The following OTOF variants were observed in gnomAD, a reference collection of about 807,000 sequenced individuals.
The protein encoded by OTOF is otoferlin, also known as fer-1-like family member 2.
Under a neutral mutation model 236.8 loss-of-function variants are expected in OTOF, and 218 were observed. That is an observed-to-expected ratio of 0.92 (90% CI 0.82 to 1.03). The LOEUF (loss-of-function observed/expected upper bound fraction) is 1.03, where lower values mean the gene tolerates loss of function less well. OTOF is among the 50% of genes least tolerant of loss of function. OTOF has a pLI of 0.00. For synonymous variants in OTOF, 1,041 were observed against 1,072.5 expected, an observed-to-expected ratio of 0.97 and a Z score of 0.57; for missense variants, 2,590 against 2,694.4, an observed-to-expected ratio of 0.96 and a Z score of 0.86.
rs200864338 is a variant in OTOF, at chr2:26,479,639, C to T, written c.1927G>A (p.Glu643Lys). Reference protein sequence around the residue: ...FEVTIGNYGNEVDGLSRPQRP... With the variant: ...FEVTIGNYGNKVDGLSRPQRP... ...TGGGGCCGGGACAGGCCATCAACTT[C>T]GTTCCCATAGTTGCCTGGAGCAGAA... is the stretch of plus-strand genomic sequence containing the variant. The change falls in exon 17 of 47, where the codon GAA (glutamate) becomes AAA (lysine). Residue 643 changes from glutamate to lysine, a missense_variant. Physicochemically the swap from Glu to Lys is moderately conservative, Grantham distance 56 (BLOSUM62 1). Transcript: ENST00000272371. 2.7e-5 allele frequency: 44 copies of T among 1,612,564 alleles called. No homozygotes were observed. The highest frequency in any genetic ancestry group is 4.5e-5 in the East Asian group (2 of 44,866).
At chr2:26,503,935 C>T (rs1666184324) in intron 5 of OTOF, 90 bp from the exon 6 acceptor site, 4 of 1,172,056 alleles carry the variant, frequency 3.4e-6, no homozygotes, top group Non-Finnish European at 5.1e-6. Flanking sequence ...TGAGAGAACA[C>T]ATCAGAGAAG....
intron 8 of OTOF, among the ~76,000 whole-genome samples, chr2:26,497,091 T>C (rs1666005174): frequency 6.3e-5 from 1 of 15,886 alleles, no homozygotes; most frequent in Non-Finnish European, 1.0e-4. Flanking sequence ...ACATTCTTCT[T>C]TTTTTTTTTT....
At chr2:26,469,986 T>C (rs998186958) in intron 32 of OTOF, among the ~76,000 whole-genome samples, 2 of 152,214 alleles carry the variant, frequency 1.3e-5, no homozygotes, top group African/African-American at 4.8e-5. Context: ...ATGCGCTTTC[T>C]GGAACTTGCA....
intron 11 of OTOF, among the ~76,000 whole-genome samples, chr2:26,486,983 T>A (rs1558493884): frequency 2.6e-5 from 4 of 152,074 alleles, no homozygotes; most frequent in Admixed American, 2.0e-4. Flanking sequence ...TGAGGATGAG[T>A]GTATGCCCCT....
chr2:26,557,277 G>A (rs774176877), intron 1 of OTOF, among the ~76,000 whole-genome samples: 4 of 152,090 alleles, frequency 2.6e-5, no homozygotes, highest in Non-Finnish European at 4.4e-5. Context: ...CTTTAGTATA[G>A]GGGGGTCCTC....
At position 26,471,270 on chromosome 2, in the gene OTOF, C is replaced by T. The variant is rs957671069; in HGVS notation, c.3865-120G>A. 7 of 1,183,314 alleles carry T rather than the reference C, an allele frequency of 5.9e-6. No individual in the cohort carries two copies. In the African/African-American group the frequency reaches 6.0e-5, roughly 10 times the overall value. 73.3% of individuals were successfully genotyped at this position (1,183,314 alleles called of 1,614,324 possible). On this transcript the variant is annotated intron_variant, in intron 30 of 46. Coordinates refer to ENST00000272371, the MANE Select transcript of OTOF (RefSeq NM_194248.3). The stretch of plus-strand genomic sequence containing the variant: ...TGGAAATTACTGTGTGCTGGCAGCC[C>T]CTGTGCCCGCAAGGCCAACTTTGCA...
intron 11 of OTOF, among the ~76,000 whole-genome samples, chr2:26,485,517 G>A (rs1021504124): frequency 3.3e-5 from 5 of 152,338 alleles, no homozygotes; most frequent in Admixed American, 6.5e-5. Context: ...AGGAAAGGAC[G>A]GATGTCAGGG....
chr2:26,485,303 C>T (rs866734214), intron 11 of OTOF, among the ~76,000 whole-genome samples: 30 of 152,246 alleles, frequency 2.0e-4, no homozygotes, highest in Non-Finnish European at 5.9e-5. Flanking sequence ...GCTCAAGTCT[C>T]TCCTCCTCCA....
Position 26,526,851 on chromosome 2 carries a change from A to T in OTOF, c.227+981T>A, listed in dbSNP as rs1666818180. Reference sequence around the variant, plus strand: ...TTAAGCCATGACCTCCAGCTTGTATAAGAGCAACCGATTTTTTTTTAAAGA... The same window carrying T: ...TTAAGCCATGACCTCCAGCTTGTATTAGAGCAACCGATTTTTTTTTAAAGA... On this transcript the variant is annotated intron_variant, in intron 3 of 46. Coordinates refer to ENST00000272371, the MANE Select transcript of OTOF (RefSeq NM_194248.3). Among the ~76,000 whole-genome samples, 4 of 152,194 alleles carry T rather than the reference A, an allele frequency of 2.6e-5. No individual in the cohort carries two copies. In the South Asian group the frequency reaches 8.3e-4, roughly 32 times the overall value.
At chr2:26,517,480 C>T (rs1422032051) in intron 4 of OTOF, among the ~76,000 whole-genome samples, 1 of 152,218 alleles carries the variant, frequency 6.6e-6, no homozygotes, top group Non-Finnish European at 1.5e-5. Flanking sequence ...TTCAACATTG[C>T]AACCTACCTT....
At chr2:26,552,091 T>TAAAAAA (rs70950198) in intron 1 of OTOF, among the ~76,000 whole-genome samples, 5 of 141,184 alleles carry the variant, frequency 3.5e-5, no homozygotes, top group African/African-American at 1.3e-4. Context: ...TATAAAAAGT[T>TAAAAAA]AAAAAAAAAA....
intron 36 of OTOF, 45 bp from the exon 37 acceptor site, chr2:26,466,121 C>CTCA (rs765780313): frequency 1.2e-6 from 2 of 1,613,096 alleles, no homozygotes. Context: ...CCATGCCCTG[C>CTCA]TCATCTTCAG....
chr2:26,502,417 G>T lies in OTOF; in HGVS notation c.593C>A (p.Ala198Glu). 1 of 1,613,154 alleles carries T rather than the reference G, an allele frequency of 6.2e-7. No individual in the cohort carries two copies. The highest frequency in any genetic ancestry group is 2.2e-5 in the East Asian group (1 of 44,880). Residue 198 changes from alanine to glutamate, a missense_variant, in exon 7 of 47, where the codon GCG (alanine) becomes GAG (glutamate). Ala to Glu is a moderately radical substitution (Grantham distance 107, BLOSUM62 -1). Transcript: ENST00000272371. ...KEEPQRPDEP[A>E]VLEMEDLDHL... Reference sequence around the variant, plus strand: ...GTCAAGGTCTTCCATCTCCAGCACCGCCGGTTCATCTGGGGAAGATGAAAG... The same window carrying T: ...GTCAAGGTCTTCCATCTCCAGCACCTCCGGTTCATCTGGGGAAGATGAAAG...
chr2:26,482,679 G>GTGAGTGGGCGCATGTGTGCC, intron 13 of OTOF, 87 bp from the exon 14 acceptor site: 1 of 1,120,350 alleles, frequency 8.9e-7, no homozygotes. Flanking sequence ...GCATGTGTGC[G>GTGAGTGGGCGCATGTGTGCC]TGAGTGGGCA....
intron 5 of OTOF, among the ~76,000 whole-genome samples, chr2:26,504,274 C>T (rs1250826392): frequency 1.3e-5 from 2 of 152,096 alleles, no homozygotes; most frequent in Non-Finnish European, 2.9e-5. Flanking sequence ...AGAGAAAGCC[C>T]GAGGACTGGA....
intron 2 of OTOF, 27 bp downstream of exon 2, chr2:26,537,689 G>A: frequency 6.5e-7 from 1 of 1,532,514 alleles, no homozygotes; most frequent in Non-Finnish European, 8.9e-7. Context: ...TCAGGGCTGA[G>A]GGAGGGGGGA....
rs369672118 is a variant in OTOF, at chr2:26,465,943, C to T, written c.4628+6G>A. The T allele has an allele frequency of 2.5e-6, 4 of 1,614,238 alleles. No individual in the cohort carries two copies. In the African/African-American group the frequency reaches 5.3e-5, roughly 22 times the overall value. On this transcript the variant is annotated splice_donor_region_variant and intron_variant, in intron 37 of 46. Transcript: ENST00000272371. ...TGTGGCAGGGGAGGGCACCAAGAAG[C>T]CTTACTTCCCAAAGACAGGGTTGAG... is the stretch of plus-strand genomic sequence containing the variant.
chr2:26,537,909 A>G, intron 1 of OTOF, 135 bp from the exon 2 acceptor site: 1 of 725,312 alleles, frequency 1.4e-6, no homozygotes. Flanking sequence ...TGGCTTGCTC[A>G]CCTCTCCCAG....
rs558848720 is a variant in OTOF at position 26,486,061 on chromosome 2, T to C, written c.1046-1428A>G. ...GCAGAGGGATGGGTGGTGAGCTGCCTGGCCGGCTGAGAGATAGACGGACAG... is the reference window on the plus strand; with the variant it reads ...GCAGAGGGATGGGTGGTGAGCTGCCCGGCCGGCTGAGAGATAGACGGACAG... On this transcript the variant is annotated intron_variant, in intron 11 of 46. Coordinates refer to ENST00000272371, the MANE Select transcript of OTOF (RefSeq NM_194248.3). 4.7e-4 allele frequency among the ~76,000 whole-genome samples: 71 copies of C among 152,070 alleles called. No homozygotes were observed. In the Middle Eastern group the frequency reaches 0.01, roughly 22 times the overall value.
Sources: allele counts gnomAD v4.1 joint callset (sites outside exome capture counted in the v4.1 genomes callset), GRCh38; gene constraint gnomAD v4.1.1; transcripts MANE v1.5; gene names NCBI Gene and HGNC (gene_info 2026-07-23, HGNC 2026-07-21).